The following DNAH8 variants were observed in gnomAD, a reference collection of about 807,000 sequenced individuals.
DNAH8 encodes the protein axonemal beta dynein heavy chain 8.
A neutral mutation model predicts 562.1 loss-of-function variants in DNAH8; 382 were observed. The ratio of observed to expected loss-of-function variants is 0.68; its 90% confidence interval spans 0.63 to 0.74. The LOEUF (loss-of-function observed/expected upper bound fraction) is 0.74. Among genes scored for constraint, DNAH8 ranks in the 30% least tolerant of loss-of-function variants. The pLI is 0.00. For synonymous variants in DNAH8, 1,881 were observed against 1,919.4 expected (o/e 0.98, Z 0.52); for missense variants, 5,203 against 5,620.4 (o/e 0.93, Z 2.37).
chr6:38,824,126 A>G (rs1030853040), intron 28 of DNAH8, among the ~76,000 whole-genome samples: 2 of 152,232 alleles, frequency 1.3e-5, no homozygotes, highest in Non-Finnish European at 2.9e-5. Context: ...GGATTAGAGT[A>G]TCAAAGGATG....
At chr6:38,757,040 A>G (rs984613605) in intron 10 of DNAH8, among the ~76,000 whole-genome samples, 14 of 152,186 alleles carry the variant, frequency 9.2e-5, no homozygotes, top group African/African-American at 3.1e-4. Context: ...ATACCCAGTA[A>G]TGGGATTGCT....
chr6:39,006,321 CTTT>C (rs1765796470), intron 88 of DNAH8, among the ~76,000 whole-genome samples: 2 of 149,982 alleles, frequency 1.3e-5, no homozygotes, highest in African/African-American at 4.9e-5. Flanking sequence ...TCTAGAACTT[CTTT>C]TTAACTCTTT....
At chr6:38,729,396 G>C (rs1477210618) in intron 3 of DNAH8, among the ~76,000 whole-genome samples, 2 of 152,106 alleles carry the variant, frequency 1.3e-5, no homozygotes, top group East Asian at 3.8e-4. Context: ...TGACTCCTAA[G>C]TAATTGAATA....
intron 39 of DNAH8, 24 bp from the exon 40 acceptor site, chr6:38,852,670 G>T: frequency 1.3e-6 from 2 of 1,557,388 alleles, no homozygotes; most frequent in Non-Finnish European, 8.8e-7. Context: ...AGCCTCATGT[G>T]TGACGTTTTC....
At chr6:38,865,083 G>C (rs911153432) in intron 45 of DNAH8, among the ~76,000 whole-genome samples, 4 of 152,178 alleles carry the variant, frequency 2.6e-5, no homozygotes, top group African/African-American at 9.7e-5. Flanking sequence ...GGAAACCAAA[G>C]GCATGAATAA....
At chr6:38,754,436 G>C (rs1765736716) in intron 9 of DNAH8, among the ~76,000 whole-genome samples, 1 of 152,034 alleles carries the variant, frequency 6.6e-6, no homozygotes, top group Non-Finnish European at 1.5e-5. Context: ...ATAAAGTAAT[G>C]GTGTTAATTT....
chr6:38,875,574 A>T lies in DNAH8; in HGVS notation c.7621-17A>T. The T allele has an allele frequency of 1.4e-6, 2 of 1,390,644 alleles. No homozygotes were observed. Among genetic ancestry groups the T allele is most frequent in the South Asian group, 1.5e-5 (1 of 67,290 alleles). 86.1% of individuals were successfully genotyped at this position (1,390,644 alleles called of 1,614,324 possible). A position where few individuals can be genotyped will look rare whatever the true frequency, so the allele number is the denominator to read the frequency against. On this transcript the variant is annotated splice_polypyrimidine_tract_variant and intron_variant, in intron 52 of 92. Coordinates refer to ENST00000327475, the MANE Select transcript of DNAH8 (RefSeq NM_001206927.2). ...AAATTTTAATTTAAAAATTTATTTT[A>T]TTTGAAACATTTTCAGTCTCTCAAT...
chr6:38,910,794 TA>T (rs1462745729), intron 65 of DNAH8, among the ~76,000 whole-genome samples: 18 of 152,208 alleles, frequency 1.2e-4, no homozygotes, highest in African/African-American at 3.4e-4. Context: ...TCAAAAGCAT[TA>T]AAAATCTTCA....
chr6:38,747,993 T>C (rs1238972436), intron 8 of DNAH8, among the ~76,000 whole-genome samples: 1 of 152,276 alleles, frequency 6.6e-6, no homozygotes, highest in African/African-American at 2.4e-5. Flanking sequence ...TGCTGTATCA[T>C]ATTCTGTTGC....
At chr6:38,772,608 A>G (rs1019631855) in intron 12 of DNAH8, among the ~76,000 whole-genome samples, 7 of 152,142 alleles carry the variant, frequency 4.6e-5, no homozygotes, top group Non-Finnish European at 8.8e-5. Flanking sequence ...TAACTTCCTT[A>G]TCAGATATAT....
intron 53 of DNAH8, among the ~76,000 whole-genome samples, chr6:38,882,565 T>C (rs1036119205): frequency 2.0e-5 from 3 of 151,850 alleles, no homozygotes; most frequent in African/African-American, 7.3e-5. Flanking sequence ...TACTTGAGGG[T>C]TGGGGGTGGG....
At chr6:38,968,981 A>G (rs144811818) in intron 82 of DNAH8, among the ~76,000 whole-genome samples, 30 of 152,346 alleles carry the variant, frequency 2.0e-4, no homozygotes, top group African/African-American at 7.0e-4. Flanking sequence ...ACATGCTACA[A>G]TATGGATGAA....
At chr6:38,772,210 A>G (rs1767648566) in intron 12 of DNAH8, among the ~76,000 whole-genome samples, 2 of 151,762 alleles carry the variant, frequency 1.3e-5, no homozygotes, top group African/African-American at 4.8e-5. Context: ...TTGTATTTTT[A>G]GTAGAGACAG....
intron 67 of DNAH8, 108 bp from the exon 68 acceptor site, chr6:38,915,093 T>A: frequency 1.0e-6 from 1 of 966,946 alleles, no homozygotes; most frequent in Non-Finnish European, 1.5e-6. Context: ...AAGTTTGTTC[T>A]TATTCGTGTT....
At chr6:38,889,930 ACT>A (rs1779226841) in intron 57 of DNAH8, among the ~76,000 whole-genome samples, 1 of 152,122 alleles carries the variant, frequency 6.6e-6, no homozygotes, top group African/African-American at 2.4e-5. Flanking sequence ...AACTGAACAC[ACT>A]CTGCAGTGTG....
chr6:38,953,118 T>C (rs1433776485), intron 82 of DNAH8: 1 of 152,242 alleles, frequency 6.6e-6, no homozygotes, highest in East Asian at 1.9e-4. Context: ...GTGCTCAGAA[T>C]GTTCAGCACC....
At chr6:38,993,973 G>A (rs754800236) in intron 88 of DNAH8, among the ~76,000 whole-genome samples, 2 of 152,174 alleles carry the variant, frequency 1.3e-5, no homozygotes, top group Non-Finnish European at 2.9e-5. Context: ...AAGATTTAGC[G>A]AATATTGTCA....
intron 88 of DNAH8, among the ~76,000 whole-genome samples, chr6:38,994,764 C>A (rs1048888889): frequency 6.6e-6 from 1 of 151,652 alleles, no homozygotes; most frequent in African/African-American, 2.4e-5. Context: ...CCTGCCTCAG[C>A]CTCCTGAGTA....
chr6:38,808,671 C>T (rs1466342291), intron 24 of DNAH8, among the ~76,000 whole-genome samples: 1 of 152,138 alleles, frequency 6.6e-6, no homozygotes, highest in Non-Finnish European at 1.5e-5. Flanking sequence ...TTCACAATAG[C>T]AAAGGCTTAG....
Sources: gnomAD v4.1 joint callset for allele counts (sites outside exome capture counted in the v4.1 genomes callset) on GRCh38, gnomAD v4.1.1 for gene constraint, MANE v1.5 for transcripts, NCBI Gene and HGNC (gene_info 2026-07-23, HGNC 2026-07-21) for gene names.